IGF2BP2: variants seen among roughly 807,000 people sequenced by gnomAD.
IGF2BP2 encodes the protein insulin like growth factor 2 mRNA binding protein 2, also known as insulin-like growth factor 2 mRNA-binding protein 2.
In IGF2BP2, 17 loss-of-function variants were observed where a neutral mutation model predicts 75.8. That is an observed-to-expected ratio of 0.22 (90% CI 0.15 to 0.34). IGF2BP2 has a LOEUF of 0.34. IGF2BP2 is among the 10% of genes least tolerant of loss of function. The probability of loss-of-function intolerance (pLI) is 1.00; values close to 1 mark genes in which losing one functional copy is unlikely to be tolerated. For missense variants in IGF2BP2, 516 were observed against 772.4 expected, an observed-to-expected ratio of 0.67 and a Z score of 3.93; for synonymous variants, 288 against 295.6, an observed-to-expected ratio of 0.97 and a Z score of 0.26.
intron 2 of IGF2BP2, among the ~76,000 whole-genome samples, chr3:185,709,423 C>T (rs749991184): frequency 6.6e-6 from 1 of 152,212 alleles, no homozygotes; most frequent in East Asian, 1.9e-4. Flanking sequence ...TCCCCAGGGG[C>T]ACTTGCTGCT....
intron 2 of IGF2BP2, among the ~76,000 whole-genome samples, chr3:185,784,275 C>CAGACAGACAGAT: frequency 6.6e-6 from 1 of 152,018 alleles, no homozygotes; most frequent in African/African-American, 2.4e-5. Context: ...GATAGACAGA[C>CAGACAGACAGAT]AGACAGACAG....
chr3:185,748,722 G>T (rs1287404920), intron 2 of IGF2BP2, among the ~76,000 whole-genome samples: 1 of 152,120 alleles, frequency 6.6e-6, no homozygotes, highest in Non-Finnish European at 1.5e-5. Context: ...AGTCACCCTG[G>T]TAAGTCTCAT....
At chr3:185,668,365 T>C (rs921214575) in intron 10 of IGF2BP2, among the ~76,000 whole-genome samples, 2 of 151,954 alleles carry the variant, frequency 1.3e-5, no homozygotes, top group Non-Finnish European at 2.9e-5. Context: ...GAGAAAACTT[T>C]TTTTAATGTG....
intron 12 of IGF2BP2, among the ~76,000 whole-genome samples, chr3:185,652,497 T>C (rs569410881): frequency 6.6e-6 from 1 of 152,220 alleles, no homozygotes; most frequent in Admixed American, 6.5e-5. Flanking sequence ...TCAAAAGCTC[T>C]AGGAAGAGGG....
At chr3:185,786,345 T>A (rs550957511) in intron 2 of IGF2BP2, among the ~76,000 whole-genome samples, 1 of 152,272 alleles carries the variant, frequency 6.6e-6, no homozygotes, top group South Asian at 2.1e-4. Context: ...TCGTATCCCC[T>A]GTGACCTGCA....
In IGF2BP2 at chr3:185,777,673, G is replaced by A. The variant is rs558131340; in HGVS notation, c.239+45480C>T. Among the ~76,000 whole-genome samples, 111 of 152,278 alleles carry A rather than the reference G, an allele frequency of 7.3e-4. 1 individual carries two copies. The highest frequency in any genetic ancestry group is 1.5e-3 in the Non-Finnish European group (103 of 68,024). On this transcript the variant is annotated intron_variant, in intron 2 of 15. Coordinates refer to ENST00000382199, the MANE Select transcript of IGF2BP2 (RefSeq NM_006548.6). ...GTGAGTGATGTCAGTCATAATGGTG[G>A]TGGGTTAAATCAAGGAATAAATGTT... is the stretch of plus-strand genomic sequence containing the variant.
chr3:185,704,428 T>C (rs1472910422), intron 2 of IGF2BP2, among the ~76,000 whole-genome samples: 1 of 152,192 alleles, frequency 6.6e-6, no homozygotes, highest in African/African-American at 2.4e-5. Context: ...TCACCAGTGA[T>C]AGCCAAGTCC....
intron 2 of IGF2BP2, among the ~76,000 whole-genome samples, chr3:185,731,660 GCTT>G (rs911640867): frequency 3.3e-5 from 5 of 151,986 alleles, no homozygotes; most frequent in African/African-American, 9.7e-5. Context: ...GGTCTTTAAG[GCTT>G]AATGACAATA....
intron 2 of IGF2BP2, chr3:185,767,756 T>C (rs1733287401): frequency 1.3e-5 from 2 of 154,132 alleles, no homozygotes; most frequent in Admixed American, 6.5e-5. Flanking sequence ...TGGAATGTAT[T>C]AGGGTTGAAA....
At chr3:185,677,068 T>TATATATATATAGAGAGAGAGAGAGAG in intron 7 of IGF2BP2, among the ~76,000 whole-genome samples, 15 of 35,858 alleles carry the variant, frequency 4.2e-4, no homozygotes, top group South Asian at 1.1e-3. Flanking sequence ...TATATATATA[T>TATATATATATAGAGAGAGAGAGAGAG]AGAGAGAGAG....
intron 7 of IGF2BP2, among the ~76,000 whole-genome samples, chr3:185,682,463 G>A (rs1294687822): frequency 1.3e-5 from 2 of 152,148 alleles, no homozygotes; most frequent in Non-Finnish European, 2.9e-5. Flanking sequence ...AGAACTGTGA[G>A]CCAAATAAAC....
rs1446743820 is a variant in IGF2BP2, at chr3:185,643,411, T to C, written c.*2120A>G. The stretch of plus-strand genomic sequence containing the variant: ...TAGCTCCGAGGTTCGGAAACTTCAG[T>C]GCGCACAGCAATCACCCAGAGGCCT... On this transcript the variant is annotated 3_prime_UTR_variant, in exon 16 of 16. Transcript: ENST00000382199. 6.6e-6 allele frequency among the ~76,000 whole-genome samples: 1 copy of C among 152,234 alleles called. No individual in the cohort carries two copies. Among genetic ancestry groups the C allele is most frequent in the Non-Finnish European group, 1.5e-5 (1 of 68,046 alleles).
At chr3:185,672,227 A>C (rs1718624495) in intron 10 of IGF2BP2, among the ~76,000 whole-genome samples, 1 of 152,188 alleles carries the variant, frequency 6.6e-6, no homozygotes, top group Non-Finnish European at 1.5e-5. Flanking sequence ...CACTCATGAA[A>C]TGTTCTTATT....
chr3:185,773,239 G>A (rs1734115235), intron 2 of IGF2BP2, among the ~76,000 whole-genome samples: 1 of 152,092 alleles, frequency 6.6e-6, no homozygotes, highest in African/African-American at 2.4e-5. Context: ...CCATTTACCT[G>A]CTCTGTGTGT....
At chr3:185,667,166 T>C (rs1040039593) in intron 10 of IGF2BP2, among the ~76,000 whole-genome samples, 19 of 152,202 alleles carry the variant, frequency 1.2e-4, no homozygotes, top group Non-Finnish European at 2.5e-4. Flanking sequence ...AACGATAAAA[T>C]GGTGGATTAC....
chr3:185,805,456 T>C (rs1187990659), intron 2 of IGF2BP2, among the ~76,000 whole-genome samples: 1 of 152,094 alleles, frequency 6.6e-6, no homozygotes, highest in Admixed American at 6.5e-5. Context: ...GAAGGGCAAA[T>C]TAAGGAGGAA....
chr3:185,821,113 G>C (rs1741323516), intron 2 of IGF2BP2: 3 of 1,522,864 alleles, frequency 2.0e-6, no homozygotes, highest in East Asian at 2.5e-5. Context: ...CCGGTCATTA[G>C]CTATCTCTCC....
At chr3:185,747,064 A>G (rs1730337629) in intron 2 of IGF2BP2, among the ~76,000 whole-genome samples, 1 of 152,210 alleles carries the variant, frequency 6.6e-6, no homozygotes, top group Non-Finnish European at 1.5e-5. Context: ...TCCAAAACGA[A>G]CAATTTCCAA....
At chr3:185,763,672 T>C (rs1298484927) in intron 2 of IGF2BP2, among the ~76,000 whole-genome samples, 2 of 152,182 alleles carry the variant, frequency 1.3e-5, no homozygotes, top group South Asian at 2.1e-4. Context: ...CACCACCATA[T>C]AGAATATAAA....
Sources: gnomAD v4.1 joint callset for allele counts (sites outside exome capture counted in the v4.1 genomes callset) on GRCh38, gnomAD v4.1.1 for gene constraint, MANE v1.5 for transcripts, NCBI Gene and HGNC (gene_info 2026-07-23, HGNC 2026-07-21) for gene names.